The following LOXL2 variants were observed in gnomAD, a reference collection of about 807,000 sequenced individuals.
The protein encoded by LOXL2 is lysyl oxidase homolog 2.
In LOXL2, 70 loss-of-function variants were observed where a neutral mutation model predicts 93.0. That is an observed-to-expected ratio of 0.75 (90% CI 0.62 to 0.92). LOXL2 has a LOEUF of 0.92. LOXL2 is among the 40% of genes least tolerant of loss of function. LOXL2 has a pLI of 0.00. For missense variants in LOXL2, 973 were observed against 1,054.9 expected (o/e 0.92, Z 1.08); for synonymous variants, 438 against 413.2 (o/e 1.06, Z -0.73).
chr8:23,377,598 A>G (rs948763090), intron 1 of LOXL2, among the ~76,000 whole-genome samples: 6 of 152,010 alleles, frequency 3.9e-5, no homozygotes, highest in Non-Finnish European at 8.8e-5. Context: ...ATCTTTAAGG[A>G]CTTGCTTTAT....
At chr8:23,378,073 G>A (rs929278875) in intron 1 of LOXL2, among the ~76,000 whole-genome samples, 1 of 152,182 alleles carries the variant, frequency 6.6e-6, no homozygotes, top group African/African-American at 2.4e-5. Context: ...TGAAGTGGCT[G>A]GTACTGGTTG....
chr8:23,362,088 A>G (rs547662145), intron 2 of LOXL2, among the ~76,000 whole-genome samples: 1 of 152,346 alleles, frequency 6.6e-6, no homozygotes, highest in East Asian at 1.9e-4. Context: ...TATTCGCAAT[A>G]GCCAAGAGGT....
At chr8:23,371,798 G>A (rs954657397) in intron 1 of LOXL2, among the ~76,000 whole-genome samples, 154 of 141,408 alleles carry the variant, frequency 1.1e-3, no homozygotes, top group Middle Eastern at 7.4e-3. Context: ...CATGGCAAGC[G>A]CAGCACGAAA....
At chr8:23,394,068 TA>T (rs1800055184) in intron 1 of LOXL2, among the ~76,000 whole-genome samples, 1 of 152,154 alleles carries the variant, frequency 6.6e-6, no homozygotes, top group Non-Finnish European at 1.5e-5. Context: ...TCAGAATATG[TA>T]AAAATTGTTT....
chr8:23,325,060 A>T (rs1803557557), intron 6 of LOXL2, among the ~76,000 whole-genome samples: 1 of 152,194 alleles, frequency 6.6e-6, no homozygotes. Flanking sequence ...CAGTTTGTCT[A>T]CTCAGAAATG....
chr8:23,317,231 T>C, intron 8 of LOXL2, 117 bp from the exon 9 acceptor site: 1 of 1,171,902 alleles, frequency 8.5e-7, no homozygotes, highest in Admixed American at 1.8e-5. Flanking sequence ...ATTTTTCAGA[T>C]CGAAACAGCA....
Position 23,404,057 on chromosome 8 carries a change from G to A in LOXL2, c.-187C>T. 4.8e-6 allele frequency: 1 copy of A among 208,954 alleles called. No homozygotes were observed. The highest frequency in any genetic ancestry group is 1.0e-5 in the Non-Finnish European group (1 of 98,626). 12.9% of individuals were successfully genotyped at this position (208,954 alleles called of 1,614,324 possible). On this transcript the variant is annotated 5_prime_UTR_variant, in exon 1 of 14. Transcript: ENST00000389131. ...GCCCCTTTCTCGAGCAGAGGGGGCG[G>A]CTCTGGTCTCCGATGGCTGGAGAAA...
intron 12 of LOXL2, 38 bp downstream of exon 12, chr8:23,301,989 C>G (rs767217647): frequency 6.2e-7 from 1 of 1,611,662 alleles, no homozygotes; most frequent in Non-Finnish European, 8.5e-7. Context: ...CTCCCCTCCT[C>G]CCCCTGCAGG....
At chr8:23,352,096 G>A (rs934173161) in intron 3 of LOXL2, among the ~76,000 whole-genome samples, 2 of 152,164 alleles carry the variant, frequency 1.3e-5, no homozygotes, top group African/African-American at 2.4e-5. Context: ...ATACAGGCGT[G>A]AGCCACCGTG....
chr8:23,327,435 C>G (rs1363717210), intron 6 of LOXL2, among the ~76,000 whole-genome samples: 1 of 152,180 alleles, frequency 6.6e-6, no homozygotes, highest in African/African-American at 2.4e-5. Flanking sequence ...ACATCTGACA[C>G]TATGGAAATA....
intron 1 of LOXL2, among the ~76,000 whole-genome samples, chr8:23,388,623 TCACACACACA>T (rs10522826): frequency 0.23 from 33,068 of 142,610 alleles, 4,034 homozygotes; most frequent in East Asian, 0.43. Flanking sequence ...AAAAATATAC[TCACACACACA>T]CACACACACA....
At chr8:23,382,841 A>G (rs1804700019) in intron 1 of LOXL2, among the ~76,000 whole-genome samples, 1 of 152,080 alleles carries the variant, frequency 6.6e-6, no homozygotes, top group Admixed American at 6.5e-5. Context: ...AGACTGTCTG[A>G]TGATGCTCTT....
At position 23,303,275 on chromosome 8, in the gene LOXL2, C is replaced by A; in HGVS notation, c.1996+7G>T. On this transcript the variant is annotated splice_region_variant and intron_variant, in intron 11 of 13. Coordinates refer to ENST00000389131, the MANE Select transcript of LOXL2 (RefSeq NM_002318.3). ...AGGCCTCCCATCCCCCCACTCCGCT[C>A]AGATACCTCCTTCACATTCTGTGTC... The A allele has an allele frequency of 6.3e-7, 1 of 1,587,876 alleles. No individual in the cohort carries two copies. The highest frequency in any genetic ancestry group is 1.1e-5 in the South Asian group (1 of 90,538).
chr8:23,304,625 C>T (rs1309455649), intron 10 of LOXL2, among the ~76,000 whole-genome samples: 3 of 152,070 alleles, frequency 2.0e-5, no homozygotes, highest in Admixed American at 6.6e-5. Flanking sequence ...CTCTCGGGGC[C>T]GCAAGATTGA....
rs552169403 is a variant in LOXL2 at position 23,316,059 on chromosome 8, G to A, written c.1636+890C>T. On this transcript the variant is annotated intron_variant, in intron 9 of 13. Coordinates refer to ENST00000389131, the MANE Select transcript of LOXL2 (RefSeq NM_002318.3). ...TCTGCCCAGCGAAGCCTGCCCTGAG[G>A]TCCTGCTTTGCAAGGGCTAGGAGAT... 1.1e-3 allele frequency among the ~76,000 whole-genome samples: 163 copies of A among 152,298 alleles called. 1 individual carries two copies. The highest frequency in any genetic ancestry group is 3.8e-3 in the African/African-American group (157 of 41,558).
intron 3 of LOXL2, 50 bp downstream of exon 3, chr8:23,360,040 G>A (rs549323248): frequency 6.5e-7 from 1 of 1,543,116 alleles, no homozygotes; most frequent in South Asian, 1.2e-5. Flanking sequence ...GAGTTGCATG[G>A]AAGAGGAAAA....
chr8:23,309,862 G>A lies in LOXL2; in HGVS notation c.1686C>T (p.Tyr562=), dbSNP rs1358873733. Reference sequence around the variant, plus strand: ...GCATGAACATGGGCCGGTCCTCCAGGTAGGTGGTCTGCTGCACCATCTCCG... The same window carrying A: ...GCATGAACATGGGCCGGTCCTCCAGATAGGTGGTCTGCTGCACCATCTCCG... ...LNAEMVQQTT[Y]LEDRPMFMLQ... is the part of the protein sequence containing the mutation. The change falls in exon 10 of 14, where the codon TAC becomes TAT. Residue 562 remains tyrosine, a synonymous_variant. Coordinates refer to ENST00000389131, the MANE Select transcript of LOXL2 (RefSeq NM_002318.3). The A allele has an allele frequency of 6.3e-7, 1 of 1,585,832 alleles. No homozygotes were observed. The highest frequency in any genetic ancestry group is 1.1e-5 in the South Asian group (1 of 87,190).
chr8:23,343,490 C>T (rs1803920601), intron 3 of LOXL2, among the ~76,000 whole-genome samples: 1 of 152,172 alleles, frequency 6.6e-6, no homozygotes, highest in Non-Finnish European at 1.5e-5. Context: ...CAGGAGGAAC[C>T]CAGCACCCCG....
chr8:23,320,675 AGGTG>A (rs1803480004), intron 7 of LOXL2, among the ~76,000 whole-genome samples: 2 of 152,228 alleles, frequency 1.3e-5, no homozygotes, highest in African/African-American at 4.8e-5. Context: ...TGCGGGGCCA[AGGTG>A]GGAGGATCAC....
Sources: gnomAD v4.1 joint callset for allele counts (sites outside exome capture counted in the v4.1 genomes callset) on GRCh38, gnomAD v4.1.1 for gene constraint, MANE v1.5 for transcripts, NCBI Gene and HGNC (gene_info 2026-07-23, HGNC 2026-07-21) for gene names.